MGAT3: variants seen among roughly 807,000 people sequenced by gnomAD.
MGAT3 encodes the protein beta-1,4-mannosyl-glycoprotein 4-beta-N-acetylglucosaminyltransferase, also known as GlcNAc-T III.
Under a neutral mutation model 29.8 loss-of-function variants are expected in MGAT3, and 9 were observed. The observed-to-expected ratio is 0.30, with a 90% CI of 0.18 to 0.53. MGAT3 has a LOEUF of 0.53. Ranked by LOEUF, MGAT3 falls within the 20% of genes least tolerant of loss-of-function variation. The probability of loss-of-function intolerance (pLI) is 0.96; values close to 1 mark genes in which losing one functional copy is unlikely to be tolerated. For missense variants in MGAT3, 557 were observed against 769.5 expected (o/e 0.72, Z 3.27); for synonymous variants, 397 against 348.9 (o/e 1.14, Z -1.54).
intron 1 of MGAT3, among the ~76,000 whole-genome samples, chr22:39,465,252 A>G (rs1243832163): frequency 6.6e-6 from 1 of 152,138 alleles, no homozygotes; most frequent in Non-Finnish European, 1.5e-5. Flanking sequence ...CACACCACAC[A>G]GGGGATCCTC....
chr22:39,485,540 C>G (rs1179355297), intron 1 of MGAT3, among the ~76,000 whole-genome samples: 1 of 152,128 alleles, frequency 6.6e-6, no homozygotes, highest in Non-Finnish European at 1.5e-5. Context: ...CCTGTAATCT[C>G]AGCACTTTGG....
chr22:39,477,726 AG>A (rs953482611), intron 1 of MGAT3: 1 of 152,274 alleles, frequency 6.6e-6, no homozygotes, highest in African/African-American at 2.4e-5. Context: ...AACTTGCCAA[AG>A]GGCACACAGC....
intron 1 of MGAT3, among the ~76,000 whole-genome samples, chr22:39,464,108 G>A (rs1035269528): frequency 6.6e-6 from 1 of 151,780 alleles, no homozygotes; most frequent in Non-Finnish European, 1.5e-5. Context: ...CATACACCGC[G>A]CTCACCCCTG....
chr22:39,471,663 C>CAGGTGTGGTTCTATAGA (rs1343376554), intron 1 of MGAT3, among the ~76,000 whole-genome samples: 1 of 152,168 alleles, frequency 6.6e-6, no homozygotes, highest in Non-Finnish European at 1.5e-5. Context: ...CCCCACACCA[C>CAGGTGTGGTTCTATAGA]ACAGGGCATC....
In MGAT3 at chr22:39,488,415, G is replaced by A. The variant is rs1419236411; in HGVS notation, c.1068G>A (p.Pro356=). The A allele has an allele frequency of 6.2e-6, 10 of 1,612,576 alleles. No individual in the cohort carries two copies. The highest frequency in any genetic ancestry group is 8.5e-6 in the Non-Finnish European group (10 of 1,180,026). The change falls in exon 2 of 2, where the codon CCG becomes CCA. Residue 356 remains proline (P), a synonymous_variant. Coordinates refer to ENST00000341184, the MANE Select transcript of MGAT3 (RefSeq NM_002409.5). ...TCTACGGCTTCTTCTGGAAGCAGCC[G>A]GGCACCCTGGAGGTGGTGTCAGGCT... The part of the protein sequence containing the change: ...KSLYGFFWKQ[P]GTLEVVSGCT...
chr22:39,489,857 T>G lies in MGAT3; in HGVS notation c.*908T>G, dbSNP rs1386980952. 1 of 167,390 alleles carries G rather than the reference T, an allele frequency of 6.0e-6. No homozygotes were observed. Among genetic ancestry groups the G allele is most frequent in the Non-Finnish European group, 1.5e-5 (1 of 68,218 alleles). The allele number at this position is 167,390 out of a possible 1,614,324, so 10.4% of individuals were successfully genotyped here. On this transcript the variant is annotated 3_prime_UTR_variant, in exon 2 of 2. Transcript: ENST00000341184. ...TCTCTCCCTCCCCATCACCCCTTCC[T>G]TCTGACACCCAGTCCCAGCTGTCCA...
chr22:39,461,185 C>T (rs918629102), intron 1 of MGAT3, among the ~76,000 whole-genome samples: 4 of 152,142 alleles, frequency 2.6e-5, no homozygotes, highest in African/African-American at 7.2e-5. Context: ...GGAGCTGGTA[C>T]GTGCCAGCTT....
rs1302073951 is a variant in MGAT3, at chr22:39,491,103, G to A, written c.*2154G>A. ...CTTTCTCCAGATGTCTTATGGTTGG[G>A]GGTTTCCTGATGGGCCAGGAGAGGA... is the stretch of plus-strand genomic sequence containing the variant. On this transcript the variant is annotated 3_prime_UTR_variant, in exon 2 of 2. Transcript: ENST00000341184. This position sits in a 1 kb window ranked among gnomAD's most constrained non-coding sequence, Gnocchi z 5.5. 1 of 167,310 alleles carries A rather than the reference G, an allele frequency of 6.0e-6. No individual in the cohort carries two copies. Among genetic ancestry groups the A allele is most frequent in the African/African-American group, 2.4e-5 (1 of 41,428 alleles). The allele number at this position is 167,310 out of a possible 1,614,324, so 10.4% of individuals were successfully genotyped here. A position where few individuals can be genotyped will look rare whatever the true frequency, so the allele number is the denominator to read the frequency against.
In MGAT3 at chr22:39,487,755, G is replaced by T. The variant is rs1251293868; in HGVS notation, c.408G>T (p.Lys136Asn). The change falls in exon 2 of 2, where the codon AAG (lysine) becomes AAT (asparagine). Residue 136 changes from lysine (K) to asparagine (N), a missense_variant. By Grantham distance (94) the Lys-to-Asn change is moderately conservative. Transcript: ENST00000341184. The surrounding 1 kb of genome is among the most constrained non-coding windows in gnomAD (Gnocchi z 5.7). The part of the protein sequence containing the change: ...ERPPPGRPEE[K>N]PEGANGSSAR... Reference sequence around the variant, plus strand: ...CGCCCCCGGGACGGCCGGAGGAGAAGCCTGAGGGGGCCAACGGCTCCTCGG... The same window carrying T: ...CGCCCCCGGGACGGCCGGAGGAGAATCCTGAGGGGGCCAACGGCTCCTCGG... The T allele has an allele frequency of 2.6e-6, 4 of 1,520,272 alleles. No homozygotes were observed. In the South Asian group the frequency reaches 3.8e-5, roughly 15 times the overall value. 94.2% of individuals were successfully genotyped at this position (1,520,272 alleles called of 1,614,324 possible).
At chr22:39,481,843 C>T (rs745930095) in intron 1 of MGAT3, among the ~76,000 whole-genome samples, 4 of 152,198 alleles carry the variant, frequency 2.6e-5, no homozygotes, top group Non-Finnish European at 5.9e-5. Context: ...GTACCTGCTT[C>T]GTGTTGGGAG....
At chr22:39,473,083 G>A (rs1301284048) in intron 1 of MGAT3, among the ~76,000 whole-genome samples, 1 of 152,144 alleles carries the variant, frequency 6.6e-6, no homozygotes, top group Admixed American at 6.5e-5. Flanking sequence ...GGAGGCGGAT[G>A]TCCACACGAG....
At chr22:39,467,139 C>T (rs999613890) in intron 1 of MGAT3, among the ~76,000 whole-genome samples, 5 of 152,212 alleles carry the variant, frequency 3.3e-5, no homozygotes, top group African/African-American at 4.8e-5. Flanking sequence ...TCTTAGGCTG[C>T]GCAGTCCTCT....
rs766749026 is a variant in MGAT3, at chr22:39,487,617, C to G, written c.270C>G (p.Ala90=). 35 of 1,611,480 alleles carry G rather than the reference C, an allele frequency of 2.2e-5. No homozygotes were observed. The Admixed American group carries it at 5.7e-4, about 26-fold the overall frequency. The part of the protein sequence containing the change: ...LLQPLPPSKA[A]EELHRVDLVL... ...AGCCGCTGCCGCCCAGCAAGGCGGC[C>G]GAGGAGCTCCACCGGGTGGACTTGG... The change falls in exon 2 of 2, where the codon GCC becomes GCG. Residue 90 remains alanine, a synonymous_variant. Transcript: ENST00000341184. This position sits in a 1 kb window ranked among gnomAD's most constrained non-coding sequence, Gnocchi z 5.7.
chr22:39,468,103 G>T (rs753790204), intron 1 of MGAT3, among the ~76,000 whole-genome samples: 6 of 152,050 alleles, frequency 3.9e-5, no homozygotes, highest in Admixed American at 2.6e-4. Context: ...AAGAGACAGG[G>T]TGCCTTGTTC....
chr22:39,476,645 T>G (rs1206793215), intron 1 of MGAT3: 1 of 152,124 alleles, frequency 6.6e-6, no homozygotes, highest in Non-Finnish European at 1.5e-5. Context: ...GTGTTGAGCC[T>G]GGAGCAGAAC....
At chr22:39,471,661 C>T (rs1298922288) in intron 1 of MGAT3, among the ~76,000 whole-genome samples, 1 of 152,152 alleles carries the variant, frequency 6.6e-6, no homozygotes. Context: ...TCCCCCACAC[C>T]ACACAGGGCA....
At chr22:39,466,600 G>C (rs1928654546) in intron 1 of MGAT3, among the ~76,000 whole-genome samples, 1 of 152,164 alleles carries the variant, frequency 6.6e-6, no homozygotes, top group Admixed American at 6.5e-5. Context: ...TGAAGAGCCT[G>C]CCCCTTCCAG....
chr22:39,460,125 G>T (rs1432859837), intron 1 of MGAT3, among the ~76,000 whole-genome samples: 1 of 152,232 alleles, frequency 6.6e-6, no homozygotes, highest in African/African-American at 2.4e-5. Flanking sequence ...AGGGTATCCT[G>T]CTGTGCTCCC....
At chr22:39,468,608 G>A (rs1465817944) in intron 1 of MGAT3, among the ~76,000 whole-genome samples, 1 of 152,248 alleles carries the variant, frequency 6.6e-6, no homozygotes, top group Non-Finnish European at 1.5e-5. Context: ...GGCAGGACTA[G>A]GACCATGGGC....
Sources: allele counts gnomAD v4.1 joint callset (sites outside exome capture counted in the v4.1 genomes callset), GRCh38; gene constraint gnomAD v4.1.1; non-coding constraint Gnocchi (gnomAD v3.1); transcripts MANE v1.5; gene names NCBI Gene and HGNC (gene_info 2026-07-23, HGNC 2026-07-21).